Variants in TRPM6 observed in about 807,000 individuals in gnomAD.
TRPM6 encodes the protein channel kinase 2.
A neutral mutation model predicts 247.6 loss-of-function variants in TRPM6; 111 were observed. The ratio of observed to expected loss-of-function variants is 0.45; its 90% CI spans 0.38 to 0.52. TRPM6 has a LOEUF of 0.52. TRPM6 is among the 20% of genes least tolerant of loss of function. The pLI is 0.00. For synonymous variants in TRPM6, 892 were observed against 853.8 expected (o/e 1.04, Z -0.78); for missense variants, 2,126 against 2,421.5 (o/e 0.88, Z 2.56).
chr9:74,802,895 C>T (rs1472853921), intron 15 of TRPM6, among the ~76,000 whole-genome samples: 1 of 152,124 alleles, frequency 6.6e-6, no homozygotes, highest in East Asian at 1.9e-4. Context: ...TCTCTGGGCT[C>T]ATCATACTGC....
chr9:74,855,996 GA>G (rs1164331407), intron 2 of TRPM6, among the ~76,000 whole-genome samples: 1 of 152,074 alleles, frequency 6.6e-6, no homozygotes, highest in African/African-American at 2.4e-5. Context: ...TGAGAATCAA[GA>G]AAATAGATAT....
At chr9:74,746,476 A>G (rs996243915) in intron 31 of TRPM6, among the ~76,000 whole-genome samples, 2 of 152,212 alleles carry the variant, frequency 1.3e-5, no homozygotes, top group African/African-American at 4.8e-5. Context: ...AGATGTTACT[A>G]TGTGGTCAGT....
intron 1 of TRPM6, among the ~76,000 whole-genome samples, chr9:74,871,606 T>C (rs375083751): frequency 6.6e-6 from 1 of 152,214 alleles, no homozygotes; most frequent in Admixed American, 6.5e-5. Context: ...CATGTTCATG[T>C]AGATCTTCAG....
At chr9:74,804,833 A>T in intron 14 of TRPM6, 1 of 456,888 alleles carries the variant, frequency 2.2e-6, no homozygotes, top group Non-Finnish European at 3.9e-6. Flanking sequence ...AATAAACATC[A>T]GTTTCTAAAA....
At chr9:74,827,715 G>T in intron 7 of TRPM6, 63 bp downstream of exon 7, 1 of 1,541,342 alleles carries the variant, frequency 6.5e-7, no homozygotes, top group Non-Finnish European at 9.0e-7. Context: ...GGTCAGGGAA[G>T]ACCATGAAAG....
intron 7 of TRPM6, among the ~76,000 whole-genome samples, chr9:74,826,571 A>G (rs1829336099): frequency 6.6e-6 from 1 of 151,972 alleles, no homozygotes; most frequent in South Asian, 2.1e-4. Context: ...TGCTCTCTGT[A>G]AAGGATTCAC....
intron 1 of TRPM6, among the ~76,000 whole-genome samples, chr9:74,860,672 C>T (rs6560417): frequency 0.89 from 136,050 of 152,212 alleles, 60,865 homozygotes; most frequent in Middle Eastern, 0.94. Context: ...AATCACAGAA[C>T]TTAAAAGGAA....
intron 4 of TRPM6, among the ~76,000 whole-genome samples, chr9:74,841,735 C>T (rs1829944728): frequency 6.6e-6 from 1 of 152,128 alleles, no homozygotes; most frequent in Non-Finnish European, 1.5e-5. Flanking sequence ...AAACTCCTGA[C>T]CTCAGGTGAT....
intron 38 of TRPM6, 130 bp downstream of exon 38, chr9:74,728,109 G>C (rs945234850): frequency 1.9e-5 from 15 of 794,732 alleles, no homozygotes; most frequent in Non-Finnish European, 2.6e-5. Context: ...TGCAGTCAGA[G>C]AGTCAGGCTC....
intron 3 of TRPM6, among the ~76,000 whole-genome samples, chr9:74,843,744 G>T (rs896405570): frequency 5.9e-5 from 9 of 151,468 alleles, no homozygotes; most frequent in African/African-American, 2.2e-4. Flanking sequence ...GAACCCAGGA[G>T]GTGGAGCTTG....
intron 3 of TRPM6, among the ~76,000 whole-genome samples, chr9:74,852,119 G>C (rs962094484): frequency 2.0e-5 from 3 of 151,982 alleles, no homozygotes; most frequent in Non-Finnish European, 4.4e-5. Flanking sequence ...CTGGGAGAAA[G>C]AGCAAGACCT....
intron 9 of TRPM6, among the ~76,000 whole-genome samples, chr9:74,818,829 G>A (rs1449910726): frequency 2.6e-5 from 4 of 150,964 alleles, no homozygotes; most frequent in African/African-American, 9.7e-5. Context: ...CATAGATTTC[G>A]TCATGCTTCC....
intron 13 of TRPM6, 66 bp downstream of exon 13, chr9:74,810,749 T>A: frequency 7.0e-7 from 1 of 1,433,576 alleles, no homozygotes; most frequent in Non-Finnish European, 9.8e-7. Context: ...CAAAATTCAG[T>A]GACTCCTCCA....
chr9:74,843,991 G>A (rs924641252), intron 3 of TRPM6, among the ~76,000 whole-genome samples: 1 of 152,108 alleles, frequency 6.6e-6, no homozygotes, highest in African/African-American at 2.4e-5. Flanking sequence ...TATGTTTAAA[G>A]GAATCTTTCT....
chr9:74,886,007 A>G (rs900649796), intron 1 of TRPM6, among the ~76,000 whole-genome samples: 1 of 152,250 alleles, frequency 6.6e-6, no homozygotes, highest in Non-Finnish European at 1.5e-5. Context: ...TAGTTTTGGC[A>G]TAGATGTCCT....
At chr9:74,804,712 G>A (rs1405920703) in intron 14 of TRPM6, 20 of 833,556 alleles carry the variant, frequency 2.4e-5, no homozygotes, top group South Asian at 1.5e-4. Context: ...ATGGAAGACC[G>A]GTCTGCAGCT....
Position 74,812,392 on chromosome 9 carries a change from C to G in TRPM6, c.1350G>C (p.Met450Ile), listed in dbSNP as rs1389197985. 1.2e-6 allele frequency: 2 copies of G among 1,613,990 alleles called. No homozygotes were observed. Among genetic ancestry groups the G allele is most frequent in the South Asian group, 2.2e-5 (2 of 91,068 alleles). ...AGAGCTTCACAAAATCCACCCGATC[C>G]ATCACTAAAGCATCTGACATTGCTT... ...LEQAMSDALVMDRVDFVKLLI... is the reference protein window; with the variant it reads ...LEQAMSDALVIDRVDFVKLLI... The change falls in exon 12 of 39, where the codon ATG becomes ATC. Residue 450 changes from methionine (M) to isoleucine (I), a missense_variant. Physicochemically the swap from Met to Ile is conservative, Grantham distance 10. Coordinates refer to ENST00000360774, the MANE Select transcript of TRPM6 (RefSeq NM_017662.5).
Position 74,772,273 on chromosome 9 carries a change from G to A in TRPM6, c.3404-438C>T, listed in dbSNP as rs184707770. On this transcript the variant is annotated intron_variant, in intron 24 of 38. Transcript: ENST00000360774. ...AGCATGGGCTAAAAAGCGAGACCCT[G>A]TCTCAAAAAAGGAAAAGAAAAGAAA... 4.6e-5 allele frequency among the ~76,000 whole-genome samples: 7 copies of A among 152,222 alleles called. No homozygotes were observed. In the East Asian group the frequency reaches 1.4e-3, roughly 29 times the overall value.
intron 3 of TRPM6, among the ~76,000 whole-genome samples, chr9:74,846,829 G>A (rs1019078463): frequency 3.1e-4 from 47 of 152,132 alleles, no homozygotes; most frequent in African/African-American, 1.1e-3. Context: ...GATTACAGTC[G>A]TGAGCCACTG....
Sources: allele counts gnomAD v4.1 joint callset (sites outside exome capture counted in the v4.1 genomes callset), GRCh38; gene constraint gnomAD v4.1.1; transcripts MANE v1.5; gene names NCBI Gene and HGNC (gene_info 2026-07-23, HGNC 2026-07-21).